The following GAS7 variants were observed in gnomAD, a reference collection of about 807,000 sequenced individuals.
GAS7 encodes the protein growth arrest specific 7.
Under a neutral mutation model 71.1 loss-of-function variants are expected in GAS7, and 28 were observed. That is an observed-to-expected ratio of 0.39 (90% CI 0.29 to 0.54). GAS7 has a LOEUF of 0.54. GAS7 is among the 20% of genes least tolerant of loss of function. The pLI is 0.62. For missense variants in GAS7, 436 were observed against 627.8 expected (o/e 0.69, Z 3.27); for synonymous variants, 258 against 245.8 (o/e 1.05, Z -0.46).
chr17:10,020,685 G>A (rs1172437295), intron 1 of GAS7, among the ~76,000 whole-genome samples: 1 of 152,132 alleles, frequency 6.6e-6, no homozygotes, highest in African/African-American at 2.4e-5. Context: ...GCCGAGGCGG[G>A]CGGATTGCCT....
chr17:10,078,892 A>G lies in GAS7; in HGVS notation c.184-58995T>C, dbSNP rs553784644. Among the ~76,000 whole-genome samples the G allele has an allele frequency of 7.9e-4, 121 of 152,324 alleles. 1 individual carries two copies. Among genetic ancestry groups the G allele is most frequent in the African/African-American group, 2.8e-3 (117 of 41,580 alleles). ...AGCAAAACCTCTATCTCTACAAAAA[A>G]AAATTTTTTTAATTAGCCAGGTGTG... On this transcript the variant is annotated intron_variant, in intron 1 of 13. Coordinates refer to ENST00000432992, the MANE Select transcript of GAS7 (RefSeq NM_201433.2).
chr17:10,127,125 C>T (rs2073957283), intron 1 of GAS7, among the ~76,000 whole-genome samples: 1 of 152,180 alleles, frequency 6.6e-6, no homozygotes, highest in African/African-American at 2.4e-5. Context: ...TCCAGCTGGC[C>T]ATGTGTTCCC....
chr17:9,954,177 T>C (rs972198006), intron 5 of GAS7, among the ~76,000 whole-genome samples: 2 of 152,080 alleles, frequency 1.3e-5, no homozygotes, highest in Non-Finnish European at 2.9e-5. Flanking sequence ...GTTGCTCGGT[T>C]TGGCTGAGCT....
chr17:10,004,603 A>T (rs1325394323), intron 2 of GAS7, among the ~76,000 whole-genome samples: 1 of 152,182 alleles, frequency 6.6e-6, no homozygotes, highest in Non-Finnish European at 1.5e-5. Context: ...GGGTTTTAAG[A>T]TCCCTCTCGA....
chr17:10,135,523 T>C (rs2142091405), intron 1 of GAS7, among the ~76,000 whole-genome samples: 1 of 152,362 alleles, frequency 6.6e-6, no homozygotes, highest in East Asian at 1.9e-4. Context: ...GGTGAGCAGC[T>C]ATAAATGCCC....
At chr17:10,030,718 G>A (rs149236481) in intron 1 of GAS7, among the ~76,000 whole-genome samples, 4 of 152,280 alleles carry the variant, frequency 2.6e-5, no homozygotes, top group Admixed American at 6.5e-5. Context: ...AATGTCCTCC[G>A]GCCTCTTCCA....
At chr17:10,016,168 A>G (rs147300034) in intron 2 of GAS7, among the ~76,000 whole-genome samples, 4,377 of 151,346 alleles carry the variant, frequency 0.029, 145 homozygotes, top group East Asian at 0.093. Context: ...GGCGGATCAC[A>G]AGGCCAGGAG....
intron 1 of GAS7, among the ~76,000 whole-genome samples, chr17:10,161,588 AC>A: frequency 6.6e-6 from 1 of 152,288 alleles, no homozygotes; most frequent in East Asian, 1.9e-4. Flanking sequence ...CTTCCTGCAG[AC>A]TCACATTCCC....
At chr17:10,101,755 T>C (rs1286815990) in intron 1 of GAS7, among the ~76,000 whole-genome samples, 1 of 152,198 alleles carries the variant, frequency 6.6e-6, no homozygotes. Flanking sequence ...CTCTCATTGG[T>C]TAAAGAGAAG....
intron 1 of GAS7, among the ~76,000 whole-genome samples, chr17:10,097,441 G>A (rs2073653011): frequency 6.6e-6 from 1 of 152,218 alleles, no homozygotes; most frequent in Non-Finnish European, 1.5e-5. Context: ...TTCCCAGGGT[G>A]ACGAGAGGAA....
intron 2 of GAS7, among the ~76,000 whole-genome samples, chr17:10,005,088 T>C (rs1196136417): frequency 7.1e-6 from 1 of 141,152 alleles, no homozygotes; most frequent in Non-Finnish European, 1.5e-5. Flanking sequence ...CATGCGTGTG[T>C]GCACGCATAC....
rs1268306419 is a variant in GAS7, at chr17:10,130,967, C to T, written c.183+67241G>A. Among the ~76,000 whole-genome samples, 3 of 152,228 alleles carry T rather than the reference C, an allele frequency of 2.0e-5. No individual in the cohort carries two copies. The East Asian group carries it at 5.8e-4, about 29-fold the overall frequency. ...ACAACTCCATGAATGTACTAAAAAC[C>T]GATTTATACACTTTACAGGGGTGAA... On this transcript the variant is annotated intron_variant, in intron 1 of 13. Coordinates refer to ENST00000432992, the MANE Select transcript of GAS7 (RefSeq NM_201433.2).
At chr17:9,985,518 C>A (rs1177688500) in intron 2 of GAS7, among the ~76,000 whole-genome samples, 2 of 152,260 alleles carry the variant, frequency 1.3e-5, no homozygotes, top group Non-Finnish European at 2.9e-5. Context: ...CAAGTCTCAA[C>A]TAAAATGTCT....
Position 9,969,170 on chromosome 17 carries a change from G to A in GAS7, c.471+507C>T, listed in dbSNP as rs2069849178. Among the ~76,000 whole-genome samples, 1 of 152,188 alleles carries A rather than the reference G, an allele frequency of 6.6e-6. No homozygotes were observed. The highest frequency in any genetic ancestry group is 6.5e-5 in the Admixed American group (1 of 15,282). ...ACTCACATGTTTGCATAAACATCAA[G>A]TAGGATGGAGACTGAGAAAACAGTT... On this transcript the variant is annotated intron_variant, in intron 4 of 13. Transcript: ENST00000432992. The surrounding 1 kb of genome is among the most constrained non-coding windows in gnomAD (Gnocchi z 5.5).
At chr17:10,041,592 T>C (rs1340692363) in intron 1 of GAS7, among the ~76,000 whole-genome samples, 2 of 152,204 alleles carry the variant, frequency 1.3e-5, no homozygotes, top group Non-Finnish European at 2.9e-5. Flanking sequence ...AAAGTTAATC[T>C]CTCAGAGTAT....
At chr17:10,035,318 C>T (rs567968817) in intron 1 of GAS7, among the ~76,000 whole-genome samples, 2 of 152,274 alleles carry the variant, frequency 1.3e-5, no homozygotes, top group South Asian at 2.1e-4. Context: ...GGCCCCCGCA[C>T]GGGCAGCATG....
rs2073038519 is a variant in GAS7 at position 10,049,861 on chromosome 17, C to T, written c.184-29964G>A. Among the ~76,000 whole-genome samples, 5 of 151,994 alleles carry T rather than the reference C, an allele frequency of 3.3e-5. No individual in the cohort carries two copies. The South Asian group carries it at 1.0e-3, about 32-fold the overall frequency. ...GGTCTGGAACTCCCAACCTTGTGAT[C>T]CACCCACCTTGGCGTCCCAAAGTGT... is the stretch of plus-strand genomic sequence containing the variant. On this transcript the variant is annotated intron_variant, in intron 1 of 13. Coordinates refer to ENST00000432992, the MANE Select transcript of GAS7 (RefSeq NM_201433.2).
rs1204191048 is a variant in GAS7, at chr17:10,104,415, CTCTTT to C, written c.184-84523_184-84519del. On this transcript the variant is annotated intron_variant, in intron 1 of 13. Transcript: ENST00000432992. Reference sequence around the variant, plus strand: ...TGCCCAGAGCTCACTCCTGCCCCACCTCTTTTCTATCTACTCACTCCCTGTAGTGG... The same window carrying C: ...TGCCCAGAGCTCACTCCTGCCCCACCTCTATCTACTCACTCCCTGTAGTGG... Among the ~76,000 whole-genome samples, 3 of 152,208 alleles carry C rather than the reference CTCTTT, an allele frequency of 2.0e-5. No homozygotes were observed. The South Asian group carries it at 6.2e-4, about 31-fold the overall frequency.
chr17:10,174,760 G>A (rs1300911918), intron 1 of GAS7, among the ~76,000 whole-genome samples: 1 of 151,968 alleles, frequency 6.6e-6, no homozygotes, highest in African/African-American at 2.4e-5. Flanking sequence ...TTTGACTTCA[G>A]GCCCCAGGTT....
Sources: gnomAD v4.1 joint callset for allele counts (sites outside exome capture counted in the v4.1 genomes callset) on GRCh38, gnomAD v4.1.1 for gene constraint, Gnocchi (gnomAD v3.1) non-coding constraint, MANE v1.5 for transcripts, NCBI Gene and HGNC (gene_info 2026-07-23, HGNC 2026-07-21) for gene names.